ZMIZ1: variants seen among roughly 807,000 people sequenced by gnomAD.
The protein encoded by ZMIZ1 is zinc finger MIZ-type containing 1, also known as zinc finger MIZ domain-containing protein 1.
A neutral mutation model predicts 113.9 loss-of-function variants in ZMIZ1; 17 were observed. That is an observed-to-expected ratio of 0.15 (90% CI 0.10 to 0.22). The LOEUF (loss-of-function observed/expected upper bound fraction) is 0.22, where lower values mean the gene tolerates loss of function less well. Among genes scored for constraint, ZMIZ1 ranks in the 10% least tolerant of loss-of-function variants. The probability of loss-of-function intolerance (pLI) is 1.00; values close to 1 mark genes in which losing one functional copy is unlikely to be tolerated. For missense variants in ZMIZ1, 1,059 were observed against 1,477.8 expected, an observed-to-expected ratio of 0.72 and a Z score of 4.65; for synonymous variants, 607 against 603.1, an observed-to-expected ratio of 1.01 and a Z score of -0.09.
intron 1 of ZMIZ1, among the ~76,000 whole-genome samples, chr10:79,074,248 T>C (rs1589241636): frequency 6.6e-6 from 1 of 152,210 alleles, no homozygotes; most frequent in East Asian, 1.9e-4. Context: ...ACCCCTGCGC[T>C]GCCTCCTTTC....
intron 1 of ZMIZ1, among the ~76,000 whole-genome samples, chr10:79,111,845 G>A (rs577450314): frequency 6.6e-6 from 1 of 152,208 alleles, no homozygotes; most frequent in African/African-American, 2.4e-5. Flanking sequence ...AAAGCTGATC[G>A]GGGGCTATAG....
At chr10:79,265,336 G>T (rs1369571895) in intron 7 of ZMIZ1, among the ~76,000 whole-genome samples, 1 of 152,092 alleles carries the variant, frequency 6.6e-6, no homozygotes, top group Non-Finnish European at 1.5e-5. Flanking sequence ...CAGGCCACCT[G>T]CACCACCCAA....
At chr10:79,143,730 A>G (rs977381796) in intron 3 of ZMIZ1, among the ~76,000 whole-genome samples, 1 of 149,848 alleles carries the variant, frequency 6.7e-6, no homozygotes, top group Non-Finnish European at 1.5e-5. Flanking sequence ...GGCTGCACAC[A>G]GTATAGCTGC....
chr10:79,141,555 A>G (rs1486684029), intron 3 of ZMIZ1, among the ~76,000 whole-genome samples: 1 of 152,106 alleles, frequency 6.6e-6, no homozygotes, highest in African/African-American at 2.4e-5. Flanking sequence ...CTACAGGCAC[A>G]CACCATCATG....
rs1299232778 is a variant in ZMIZ1, at chr10:79,201,643, T to C, written c.11T>C (p.Met4Thr). The change falls in exon 5 of 25, where the codon ATG becomes ACG. Residue 4 changes from methionine to threonine, a missense_variant. Transcript: ENST00000334512. ...AGTGAAACGGCCAGAATGAATTCTA[T>C]GGACAGGCACATCCAGCAGACCAAT... Reference protein sequence around the residue: MNSMDRHIQQTNDR... With the variant: MNSTDRHIQQTNDR... The C allele has an allele frequency of 1.2e-6, 2 of 1,613,510 alleles. No homozygotes were observed. The highest frequency in any genetic ancestry group is 1.6e-4 in the Middle Eastern group (1 of 6,084).
chr10:79,279,205 G>T (rs1311747897), intron 8 of ZMIZ1, among the ~76,000 whole-genome samples: 2 of 151,886 alleles, frequency 1.3e-5, no homozygotes, highest in Non-Finnish European at 2.9e-5. Flanking sequence ...TCACTTCCCG[G>T]ACGGGGCGGC....
chr10:79,262,414 A>T (rs1851322808), intron 7 of ZMIZ1, among the ~76,000 whole-genome samples: 1 of 152,268 alleles, frequency 6.6e-6, no homozygotes, highest in South Asian at 2.1e-4. Flanking sequence ...GGCTGCAGTG[A>T]ATCATTCAGC....
intron 1 of ZMIZ1, among the ~76,000 whole-genome samples, chr10:79,078,664 C>A (rs1446405223): frequency 6.9e-6 from 1 of 145,846 alleles, no homozygotes; most frequent in African/African-American, 2.6e-5. Flanking sequence ...CCCACCACAT[C>A]CTCCTGAGTA....
chr10:79,246,886 G>A (rs1273917405), intron 7 of ZMIZ1, among the ~76,000 whole-genome samples: 1 of 152,224 alleles, frequency 6.6e-6, no homozygotes, highest in Non-Finnish European at 1.5e-5. Context: ...CTGCCCCAAG[G>A]TCACATGGCA....
chr10:79,272,664 A>G (rs911396497), intron 7 of ZMIZ1, among the ~76,000 whole-genome samples: 1 of 152,248 alleles, frequency 6.6e-6, no homozygotes, highest in Non-Finnish European at 1.5e-5. Context: ...ACGTTGGGTG[A>G]GTGATAGAAC....
intron 3 of ZMIZ1, among the ~76,000 whole-genome samples, chr10:79,151,230 G>C (rs1468643771): frequency 1.3e-5 from 2 of 152,204 alleles, no homozygotes; most frequent in Non-Finnish European, 2.9e-5. Flanking sequence ...ACACATTGCT[G>C]CTCTGAGCCT....
At chr10:79,242,954 C>T (rs867620972) in intron 7 of ZMIZ1, among the ~76,000 whole-genome samples, 1 of 144,514 alleles carries the variant, frequency 6.9e-6, no homozygotes, top group African/African-American at 2.5e-5. Flanking sequence ...GCTGGGCTGA[C>T]GGTCTGCGCG....
intron 7 of ZMIZ1, among the ~76,000 whole-genome samples, chr10:79,269,747 C>T (rs757020867): frequency 1.1e-4 from 16 of 152,084 alleles, no homozygotes; most frequent in Admixed American, 3.3e-4. Context: ...TCTCACTGTC[C>T]GCACCTCCCC....
intron 4 of ZMIZ1, among the ~76,000 whole-genome samples, chr10:79,164,086 C>G (rs959694500): frequency 6.6e-6 from 1 of 152,126 alleles, no homozygotes; most frequent in African/African-American, 2.4e-5. Context: ...GAAAACCACT[C>G]TAAGGCGAGG....
intron 4 of ZMIZ1, among the ~76,000 whole-genome samples, chr10:79,198,913 A>G (rs570879069): frequency 1.1e-3 from 167 of 152,240 alleles, no homozygotes; most frequent in African/African-American, 3.5e-3. Context: ...AGGCGCCTGT[A>G]ATCCCAGCTA....
intron 8 of ZMIZ1, among the ~76,000 whole-genome samples, chr10:79,284,915 A>G (rs900916535): frequency 1.3e-5 from 2 of 152,146 alleles, no homozygotes; most frequent in African/African-American, 4.8e-5. Context: ...TTCCTGGAAG[A>G]CTATTTGGGT....
At chr10:79,250,131 C>A (rs1446496658) in intron 7 of ZMIZ1, among the ~76,000 whole-genome samples, 1 of 152,338 alleles carries the variant, frequency 6.6e-6, no homozygotes, top group East Asian at 1.9e-4. Context: ...GTGGATTCAT[C>A]CCCTCGCAGC....
chr10:79,122,082 G>A (rs1235660419), intron 2 of ZMIZ1, among the ~76,000 whole-genome samples: 1 of 152,122 alleles, frequency 6.6e-6, no homozygotes, highest in Non-Finnish European at 1.5e-5. Flanking sequence ...CTGTGTGACG[G>A]CCAGTGAAGC....
chr10:79,212,692 G>T (rs1197191680), intron 6 of ZMIZ1, among the ~76,000 whole-genome samples: 1 of 151,514 alleles, frequency 6.6e-6, no homozygotes, highest in Non-Finnish European at 1.5e-5. Context: ...GGAGGCGGAG[G>T]TTGCACTGAG....
Sources: gnomAD v4.1 joint callset for allele counts (sites outside exome capture counted in the v4.1 genomes callset) on GRCh38, gnomAD v4.1.1 for gene constraint, MANE v1.5 for transcripts, NCBI Gene and HGNC (gene_info 2026-07-23, HGNC 2026-07-21) for gene names.